NTN1: variants seen among roughly 807,000 people sequenced by gnomAD.
The protein encoded by NTN1 is netrin 1.
In NTN1, 11 loss-of-function variants were observed where a neutral mutation model predicts 54.2. The observed-to-expected ratio is 0.20, with a 90% CI of 0.13 to 0.34. The LOEUF (loss-of-function observed/expected upper bound fraction) is 0.34, where lower values mean the gene tolerates loss of function less well. Among genes scored for constraint, NTN1 ranks in the 10% least tolerant of loss-of-function variants. The pLI is 1.00. For synonymous variants in NTN1, 371 were observed against 382.0 expected (o/e 0.97, Z 0.33); for missense variants, 740 against 893.1 (o/e 0.83, Z 2.18).
intron 5 of NTN1, among the ~76,000 whole-genome samples, chr17:9,190,651 A>G (rs1012388571): frequency 6.6e-6 from 1 of 152,214 alleles, no homozygotes; most frequent in Non-Finnish European, 1.5e-5. Flanking sequence ...CAGGACTTCG[A>G]GACCAGCCTG....
chr17:9,210,420 G>GCA lies in NTN1; in HGVS notation c.1412-10734_1412-10733dup, dbSNP rs759332234. On this transcript the variant is annotated intron_variant, in intron 5 of 6. Coordinates refer to ENST00000173229, the MANE Select transcript of NTN1 (RefSeq NM_004822.3). ...CTCACACACACAGGCACATGTGCGT[G>GCA]CACACACACACACACCCCCACACCC... Among the ~76,000 whole-genome samples the GCA allele has an allele frequency of 3.2e-3, 384 of 118,548 alleles. 1 individual carries two copies. The Middle Eastern group carries it at 0.05, about 15-fold the overall frequency. 77.8% of individuals were successfully genotyped at this position (118,548 alleles called of 152,430 possible).
At chr17:9,094,834 C>A (rs566078944) in intron 2 of NTN1, among the ~76,000 whole-genome samples, 1 of 151,970 alleles carries the variant, frequency 6.6e-6, no homozygotes, top group East Asian at 1.9e-4. Context: ...ACTACAAATA[C>A]AAAAATTAGC....
rs117437437 is a variant in NTN1 at position 9,082,599 on chromosome 17, C to T, written c.1018+59208C>T. Among the ~76,000 whole-genome samples the T allele has an allele frequency of 3.3e-5, 5 of 152,222 alleles. No individual in the cohort carries two copies. In the East Asian group the frequency reaches 5.8e-4, roughly 18 times the overall value. On this transcript the variant is annotated intron_variant, in intron 2 of 6. Transcript: ENST00000173229. The stretch of plus-strand genomic sequence containing the variant: ...AGGCAGAGTGTGGGGCCGTGAGCAG[C>T]GCACACACACTGCCTGCTGCAGACG...
intron 5 of NTN1, among the ~76,000 whole-genome samples, chr17:9,213,598 C>T (rs946778813): frequency 2.0e-5 from 3 of 152,264 alleles, no homozygotes; most frequent in South Asian, 2.1e-4. Flanking sequence ...TATGGTTATG[C>T]CAGCTTTTAT....
At chr17:9,204,676 T>G (rs1366875596) in intron 5 of NTN1, among the ~76,000 whole-genome samples, 1 of 152,176 alleles carries the variant, frequency 6.6e-6, no homozygotes, top group African/African-American at 2.4e-5. Context: ...ATAGCAAGGA[T>G]GCATCAGCTT....
Position 9,221,932 on chromosome 17 carries a change from G to C in NTN1, c.1486+690G>C, listed in dbSNP as rs1035628174. 6.6e-6 allele frequency among the ~76,000 whole-genome samples: 1 copy of C among 152,154 alleles called. No homozygotes were observed. The highest frequency in any genetic ancestry group is 2.4e-5 in the African/African-American group (1 of 41,436). On this transcript the variant is annotated intron_variant, in intron 6 of 6. Transcript: ENST00000173229. This position sits in a 1 kb window ranked among gnomAD's most constrained non-coding sequence, Gnocchi z 4.5. Reference sequence around the variant, plus strand: ...GGGCCCCGCAGTGGCCAGCGGGCAGGTGTGTGTGAAGAGCTGGGGCTGGTG... The same window carrying C: ...GGGCCCCGCAGTGGCCAGCGGGCAGCTGTGTGTGAAGAGCTGGGGCTGGTG...
At position 9,037,908 on chromosome 17, in the gene NTN1, A is replaced by G. The variant is rs2091908102; in HGVS notation, c.1018+14517A>G. ...TCCCTGTTCACTCAGAGGAACACCC[A>G]GAACACTTACAACGGTTGCAAAGCC... On this transcript the variant is annotated intron_variant, in intron 2 of 6. Coordinates refer to ENST00000173229, the MANE Select transcript of NTN1 (RefSeq NM_004822.3). 2.6e-5 allele frequency among the ~76,000 whole-genome samples: 4 copies of G among 152,170 alleles called. No homozygotes were observed. In the South Asian group the frequency reaches 8.3e-4, roughly 32 times the overall value.
chr17:9,232,904 A>G lies in NTN1; in HGVS notation c.1487-6736A>G, dbSNP rs563077459. Among the ~76,000 whole-genome samples the G allele has an allele frequency of 1.4e-4, 21 of 152,252 alleles. No individual in the cohort carries two copies. The South Asian group carries it at 4.3e-3, about 32-fold the overall frequency. On this transcript the variant is annotated intron_variant, in intron 6 of 6. Transcript: ENST00000173229. ...AGCTGCATTTCAGGAAAGCAGCTGC[A>G]GCTCGTGACACGCTTTCCACAGCGG...
In NTN1 at chr17:9,145,774, C is replaced by T. The variant is rs902099137; in HGVS notation, c.1019-17039C>T. On this transcript the variant is annotated intron_variant, in intron 2 of 6. Transcript: ENST00000173229. ...TCTACTGAAAATACAAAAAATTAGC[C>T]GGGCGTGGTGGCAGGCACCTGTAGT... Among the ~76,000 whole-genome samples the T allele has an allele frequency of 6.3e-4, 96 of 151,932 alleles. 1 individual carries two copies. The highest frequency in any genetic ancestry group is 9.7e-4 in the African/African-American group (40 of 41,358).
chr17:9,181,267 A>G (rs1231342741), intron 4 of NTN1, among the ~76,000 whole-genome samples: 4 of 152,158 alleles, frequency 2.6e-5, no homozygotes, highest in African/African-American at 9.7e-5. Flanking sequence ...GAAGAGCTAC[A>G]GGTGCCCAGA....
chr17:9,015,539 A>G, the NTN1 span, among the ~76,000 whole-genome samples: 217 of 152,144 alleles, frequency 1.4e-3, 1 homozygote, highest in South Asian at 9.1e-3. Flanking sequence ...CCCTCCTCAC[A>G]AACATTAGCC....
At chr17:9,127,079 G>T (rs1042204066) in intron 2 of NTN1, among the ~76,000 whole-genome samples, 1 of 140,766 alleles carries the variant, frequency 7.1e-6, no homozygotes, top group Non-Finnish European at 1.6e-5. Flanking sequence ...GCCGGGGGGG[G>T]GCAGGACAGG....
intron 6 of NTN1, among the ~76,000 whole-genome samples, chr17:9,227,678 ACAC>A (rs972894511): frequency 1.1e-4 from 16 of 145,314 alleles, no homozygotes; most frequent in African/African-American, 3.1e-4. Context: ...TCAGATATAC[ACAC>A]CACACTTATA....
chr17:9,180,235 C>T (rs974300736), intron 4 of NTN1, among the ~76,000 whole-genome samples: 4 of 152,228 alleles, frequency 2.6e-5, no homozygotes, highest in African/African-American at 9.6e-5. Flanking sequence ...GATGGGATTT[C>T]GCTGTGTTGG....
the NTN1 span, among the ~76,000 whole-genome samples, chr17:9,004,686 C>G: frequency 6.6e-6 from 1 of 152,158 alleles, no homozygotes; most frequent in Non-Finnish European, 1.5e-5. Context: ...AGGGCTGGCT[C>G]GGCTCTAGCC....
chr17:9,012,536 C>CAAAAAAAAAAAAA, the NTN1 span, among the ~76,000 whole-genome samples: 1 of 132,810 alleles, frequency 7.5e-6, no homozygotes, highest in Non-Finnish European at 1.6e-5. Flanking sequence ...AAAAACAAAA[C>CAAAAAAAAAAAAA]AAAAAAAAAA....
At chr17:9,114,895 C>T (rs77678298) in intron 2 of NTN1, among the ~76,000 whole-genome samples, 4,067 of 152,298 alleles carry the variant, frequency 0.027, 177 homozygotes, top group African/African-American at 0.091. Flanking sequence ...ACTGCTGTTC[C>T]CATCTGTCTG....
Position 9,219,052 on chromosome 17 carries a change from C to T in NTN1, c.1412-2116C>T, listed in dbSNP as rs1045555820. 2.0e-5 allele frequency among the ~76,000 whole-genome samples: 3 copies of T among 152,182 alleles called. No individual in the cohort carries two copies. Among genetic ancestry groups the T allele is most frequent in the East Asian group, 1.9e-4 (1 of 5,194 alleles). On this transcript the variant is annotated intron_variant, in intron 5 of 6. Coordinates refer to ENST00000173229, the MANE Select transcript of NTN1 (RefSeq NM_004822.3). This position sits in a 1 kb window ranked among gnomAD's most constrained non-coding sequence, Gnocchi z 4.5. Reference sequence around the variant, plus strand: ...GGATTTCAGCCAGCTCACGCAGAATCGCCAGGACTTACGCACAACCTGGGT... The same window carrying T: ...GGATTTCAGCCAGCTCACGCAGAATTGCCAGGACTTACGCACAACCTGGGT...
intron 2 of NTN1, among the ~76,000 whole-genome samples, chr17:9,081,353 C>G (rs1232596748): frequency 6.6e-6 from 1 of 152,030 alleles, no homozygotes; most frequent in Non-Finnish European, 1.5e-5. Context: ...GTGGTTATCT[C>G]TGTGCCAATG....
Sources: allele counts gnomAD v4.1 joint callset (sites outside exome capture counted in the v4.1 genomes callset), GRCh38; gene constraint gnomAD v4.1.1; non-coding constraint Gnocchi (gnomAD v3.1); transcripts MANE v1.5; gene names NCBI Gene and HGNC (gene_info 2026-07-23, HGNC 2026-07-21).